The following PRKN variants were observed in gnomAD, a reference collection of about 807,000 sequenced individuals.
PRKN encodes parkin RBR E3 ubiquitin protein ligase, also known as E3 ubiquitin-protein ligase parkin.
A neutral mutation model predicts 59.5 loss-of-function variants in PRKN; 56 were observed. The ratio of observed to expected loss-of-function variants is 0.94; its 90% CI spans 0.76 to 1.18. The LOEUF (loss-of-function observed/expected upper bound fraction) is 1.18, where lower values mean the gene tolerates loss of function less well. PRKN is among the 50% of genes most tolerant of loss of function. The pLI is 0.00. For synonymous variants in PRKN, 250 were observed against 222.1 expected (o/e 1.13, Z -1.12); for missense variants, 657 against 596.4 (o/e 1.10, Z -1.06).
At chr6:162,605,537 A>G (rs1306106170) in intron 1 of PRKN, among the ~76,000 whole-genome samples, 1 of 152,148 alleles carries the variant, frequency 6.6e-6, no homozygotes, top group Non-Finnish European at 1.5e-5. Context: ...TAAGAACTCA[A>G]AATACTAAAG....
chr6:162,318,975 T>G (rs1414226609), intron 2 of PRKN, among the ~76,000 whole-genome samples: 1 of 152,010 alleles, frequency 6.6e-6, no homozygotes, highest in Admixed American at 6.6e-5. Flanking sequence ...GTTATAAAAG[T>G]AGGAAGACTG....
intron 6 of PRKN, among the ~76,000 whole-genome samples, chr6:161,850,395 T>C (rs1036430652): frequency 8.6e-5 from 13 of 151,864 alleles, no homozygotes; most frequent in Non-Finnish European, 2.9e-5. Context: ...CTGGCCAACA[T>C]GGTGAAACCT....
intron 7 of PRKN, among the ~76,000 whole-genome samples, chr6:161,580,579 C>T (rs9346871): frequency 0.5 from 75,442 of 151,710 alleles, 20,142 homozygotes; most frequent in Middle Eastern, 0.62. Flanking sequence ...CAGGTTCAAG[C>T]GATTCTCCTG....
chr6:161,486,025 T>C (rs1270212396), intron 9 of PRKN, among the ~76,000 whole-genome samples: 1 of 152,140 alleles, frequency 6.6e-6, no homozygotes, highest in East Asian at 1.9e-4. Flanking sequence ...AGATGTTTAC[T>C]TTTTAGCAAA....
intron 10 of PRKN, among the ~76,000 whole-genome samples, chr6:161,374,719 GCATGTGTGACA>G (rs1785613598): frequency 6.7e-6 from 1 of 150,304 alleles, no homozygotes; most frequent in Admixed American, 6.6e-5. Context: ...TATGTGTGTG[GCATGTGTGACA>G]TATGTGTGGT....
chr6:162,568,572 C>A, intron 1 of PRKN: 1 of 826,710 alleles, frequency 1.2e-6, no homozygotes, highest in Non-Finnish European at 2.1e-6. Context: ...CGTGCAGGAG[C>A]AGGAGAAGGA....
chr6:162,338,273 A>C (rs568292209), intron 2 of PRKN, among the ~76,000 whole-genome samples: 2 of 151,344 alleles, frequency 1.3e-5, no homozygotes, highest in East Asian at 3.9e-4. Flanking sequence ...CCCTCTCCCT[A>C]CGGTCTCCCT....
rs191761405 is a variant in PRKN, at chr6:162,487,461, G to A, written c.8-43988C>T. ...GCACGCGTGGCAGGACACATTTGTG[G>A]TGGGGCTTTTTACGCTCCCTGTCAT... is the stretch of plus-strand genomic sequence containing the variant. On this transcript the variant is annotated intron_variant, in intron 1 of 11. Transcript: ENST00000366898. 2.1e-3 allele frequency among the ~76,000 whole-genome samples: 313 copies of A among 152,288 alleles called. 2 individuals carry two copies. Among genetic ancestry groups the A allele is most frequent in the African/African-American group, 7.3e-3 (302 of 41,572 alleles).
chr6:162,332,198 A>G (rs2128125102), intron 2 of PRKN, among the ~76,000 whole-genome samples: 1 of 152,350 alleles, frequency 6.6e-6, no homozygotes, highest in Non-Finnish European at 1.5e-5. Context: ...TTCACATACA[A>G]TTCCAAATTA....
chr6:162,447,509 G>A (rs12193367), intron 1 of PRKN, among the ~76,000 whole-genome samples: 69,586 of 151,822 alleles, frequency 0.46, 16,465 homozygotes, highest in East Asian at 0.6. Flanking sequence ...ACATCATAAT[G>A]CACTGATAAC....
At chr6:162,604,530 T>C (rs1562427262) in intron 1 of PRKN, among the ~76,000 whole-genome samples, 1 of 152,162 alleles carries the variant, frequency 6.6e-6, no homozygotes, top group South Asian at 2.1e-4. Flanking sequence ...CCTGATTGAT[T>C]CATAAATTTT....
intron 6 of PRKN, among the ~76,000 whole-genome samples, chr6:161,878,485 C>T (rs1359262731): frequency 6.6e-6 from 1 of 152,068 alleles, no homozygotes; most frequent in Non-Finnish European, 1.5e-5. Context: ...TTTGAAATCG[C>T]ACAGTACGAA....
chr6:162,235,965 GA>G (rs751590630), intron 3 of PRKN, among the ~76,000 whole-genome samples: 21 of 93,676 alleles, frequency 2.2e-4, no homozygotes, highest in Admixed American at 3.2e-4. Flanking sequence ...AAGGAAGAAA[GA>G]AAGAAAGAAA....
intron 7 of PRKN, among the ~76,000 whole-genome samples, chr6:161,650,323 G>A (rs191079637): frequency 3.9e-5 from 6 of 152,278 alleles, no homozygotes; most frequent in South Asian, 2.1e-4. Flanking sequence ...GCTTTGTTAC[G>A]ATAAGGAATT....
intron 6 of PRKN, among the ~76,000 whole-genome samples, chr6:161,940,569 A>G (rs1486972949): frequency 1.3e-5 from 2 of 152,202 alleles, no homozygotes; most frequent in Non-Finnish European, 2.9e-5. Context: ...AGAGGACATA[A>G]AGGTTCTTGA....
In PRKN at chr6:161,461,078, G is replaced by C. The variant is rs1259381976; in HGVS notation, c.1084-74201C>G. 2.0e-5 allele frequency among the ~76,000 whole-genome samples: 3 copies of C among 152,052 alleles called. No individual in the cohort carries two copies. The highest frequency in any genetic ancestry group is 4.4e-5 in the Non-Finnish European group (3 of 68,006). ...GGTCCAAGAGTCATCTTTATCATAA[G>C]TACTTACTGTCTATTAACCCCATAA... On this transcript the variant is annotated intron_variant, in intron 9 of 11. Coordinates refer to ENST00000366898, the MANE Select transcript of PRKN (RefSeq NM_004562.3). The surrounding 1 kb of genome is among the most constrained non-coding windows in gnomAD (Gnocchi z 5.1).
rs942385097 is a variant in PRKN at position 161,554,347 on chromosome 6, G to A, written c.934-5344C>T. ...TACTGTATCCACACTGTTAACACAT[G>A]CGGCCATTTCGAACTATGCTGTCTT... is the stretch of plus-strand genomic sequence containing the variant. On this transcript the variant is annotated intron_variant, in intron 8 of 11. Transcript: ENST00000366898. This position sits in a 1 kb window ranked among gnomAD's most constrained non-coding sequence, Gnocchi z 4.5. Among the ~76,000 whole-genome samples the A allele has an allele frequency of 7.3e-5, 11 of 151,274 alleles. No homozygotes were observed. The highest frequency in any genetic ancestry group is 2.0e-4 in the Admixed American group (3 of 15,184).
At chr6:162,587,119 G>A (rs1213553969) in intron 1 of PRKN, among the ~76,000 whole-genome samples, 1 of 152,092 alleles carries the variant, frequency 6.6e-6, no homozygotes, top group Non-Finnish European at 1.5e-5. Context: ...CATAACATAA[G>A]CACACAGTAG....
chr6:161,963,910 C>A (rs556834336), intron 6 of PRKN, among the ~76,000 whole-genome samples: 6 of 150,936 alleles, frequency 4.0e-5, no homozygotes, highest in Non-Finnish European at 8.8e-5. Flanking sequence ...TGCAGAGCAG[C>A]AGACTTGGAG....
Sources: gnomAD v4.1 joint callset for allele counts (sites outside exome capture counted in the v4.1 genomes callset) on GRCh38, gnomAD v4.1.1 for gene constraint, Gnocchi (gnomAD v3.1) non-coding constraint, MANE v1.5 for transcripts, NCBI Gene and HGNC (gene_info 2026-07-23, HGNC 2026-07-21) for gene names.